Variants in DIAPH1 observed in about 807,000 individuals in gnomAD.
DIAPH1 encodes the protein diaphanous related formin 1.
Under a neutral mutation model 140.7 loss-of-function variants are expected in DIAPH1, and 46 were observed. The observed-to-expected ratio is 0.33, with a 90% CI of 0.26 to 0.42. The LOEUF (loss-of-function observed/expected upper bound fraction) is 0.42. Ranked by LOEUF, DIAPH1 falls within the 10% of genes least tolerant of loss-of-function variation. The pLI is 1.00. For synonymous variants in DIAPH1, 565 were observed against 551.6 expected (o/e 1.02, Z -0.34); for missense variants, 1,310 against 1,558.7 (o/e 0.84, Z 2.69).
intron 3 of DIAPH1, among the ~76,000 whole-genome samples, chr5:141,584,887 T>A (rs1237037096): frequency 1.3e-5 from 2 of 152,106 alleles, no homozygotes; most frequent in East Asian, 3.9e-4. Context: ...AAAATATGGA[T>A]GGGGGGATGT....
Position 141,528,726 on chromosome 5 carries a change from G to A in DIAPH1, c.2994C>T (p.Gly998=), listed in dbSNP as rs992133469. The A allele has an allele frequency of 1.9e-6, 3 of 1,614,076 alleles. No individual in the cohort carries two copies. In the African/African-American group the frequency reaches 4.0e-5, roughly 22 times the overall value. ...NAGSRNAGAF[G]FNISFLCKLR... is the part of the protein sequence containing the mutation. ...CCTTACAGAGGAAGCTGATATTGAA[G>A]CCAAAAGCACCAGCATTTCTGGAGC... The change falls in exon 22 of 28, where the codon GGC becomes GGT. Residue 998 remains glycine, a synonymous_variant. Coordinates refer to ENST00000389054, the MANE Select transcript of DIAPH1 (RefSeq NM_005219.5).
Position 141,529,587 on chromosome 5 carries a change from C to T in DIAPH1, c.2676+16G>A, listed in dbSNP as rs369662192. The stretch of plus-strand genomic sequence containing the variant: ...CACAGAAGAGCCTGCTCCAGCAGAA[C>T]CACCTTACTCCTTACCTGGATCATA... On this transcript the variant is annotated intron_variant, in intron 20 of 27. Transcript: ENST00000389054. The T allele has an allele frequency of 6.2e-6, 10 of 1,605,204 alleles. No homozygotes were observed. The highest frequency in any genetic ancestry group is 7.7e-6 in the Non-Finnish European group (9 of 1,171,932).
chr5:141,587,263 T>C (rs1383667090), intron 2 of DIAPH1, 66 bp from the exon 3 acceptor site: 2 of 1,549,950 alleles, frequency 1.3e-6, no homozygotes, highest in African/African-American at 2.7e-5. Flanking sequence ...ACACATCAAA[T>C]TCTTTACCCC....
At chr5:141,534,536 A>G in intron 18 of DIAPH1, 103 bp from the exon 19 acceptor site, 1 of 865,792 alleles carries the variant, frequency 1.2e-6, no homozygotes, top group Non-Finnish European at 1.9e-6. Flanking sequence ...CTTCCTCTCT[A>G]TTATAATGGT....
At chr5:141,541,430 G>A (rs1274469060) in intron 18 of DIAPH1, among the ~76,000 whole-genome samples, 2 of 151,978 alleles carry the variant, frequency 1.3e-5, no homozygotes, top group African/African-American at 2.4e-5. Context: ...GCTCATGCCT[G>A]TAATCCCAGC....
intron 1 of DIAPH1, among the ~76,000 whole-genome samples, chr5:141,611,757 T>C (rs1457033732): frequency 6.6e-6 from 1 of 152,132 alleles, no homozygotes; most frequent in Non-Finnish European, 1.5e-5. Context: ...TCAACATCAT[T>C]AGGGAATGAC....
chr5:141,559,599 C>A (rs564284566), intron 18 of DIAPH1, among the ~76,000 whole-genome samples: 1 of 152,128 alleles, frequency 6.6e-6, no homozygotes, highest in African/African-American at 2.4e-5. Context: ...GGCACTTCAC[C>A]AAGCATTTGG....
intron 1 of DIAPH1, 37 bp from the exon 2 acceptor site, chr5:141,588,287 GA>G (rs1562334506): frequency 1.3e-6 from 2 of 1,527,938 alleles, no homozygotes; most frequent in Non-Finnish European, 1.8e-6. Flanking sequence ...AGAAAGAAGA[GA>G]AATCAGTGAA....
At chr5:141,555,772 C>T (rs2099892476) in intron 18 of DIAPH1, among the ~76,000 whole-genome samples, 1 of 152,162 alleles carries the variant, frequency 6.6e-6, no homozygotes, top group Admixed American at 6.5e-5. Flanking sequence ...AAGAGAGACC[C>T]TTACACCTAG....
chr5:141,567,355 C>T (rs922773925), intron 18 of DIAPH1, among the ~76,000 whole-genome samples: 1 of 152,070 alleles, frequency 6.6e-6, no homozygotes, highest in Non-Finnish European at 1.5e-5. Context: ...CTGGAAACCC[C>T]AGATAATAGG....
chr5:141,573,151 G>A (rs2099895442), intron 16 of DIAPH1, among the ~76,000 whole-genome samples: 1 of 152,028 alleles, frequency 6.6e-6, no homozygotes. Context: ...AAGATTGACT[G>A]GTGGGCCGGG....
rs1454630812 is a variant in DIAPH1, at chr5:141,576,775, A to T, written c.1377T>A (p.Ile459=). 1 of 1,610,712 alleles carries T rather than the reference A, an allele frequency of 6.2e-7. No homozygotes were observed. The highest frequency in any genetic ancestry group is 1.7e-5 in the Admixed American group (1 of 60,014). The part of the protein sequence containing the change: ...DPDFKCRHLQ[I]EIEGLIDQMI... Reference sequence around the variant, plus strand: ...GCTTACCAATTAATCCCTCAATCTCAATCTGGAGGTGCCGGCACTTGAAGT... The same window carrying T: ...GCTTACCAATTAATCCCTCAATCTCTATCTGGAGGTGCCGGCACTTGAAGT... Residue 459 remains isoleucine, a synonymous_variant, in exon 13 of 28, where the codon ATT becomes ATA. Transcript: ENST00000389054.
chr5:141,559,150 G>A (rs2099893130), intron 18 of DIAPH1, among the ~76,000 whole-genome samples: 2 of 151,668 alleles, frequency 1.3e-5, no homozygotes, highest in Admixed American at 1.3e-4. Context: ...CTGGGAAGAG[G>A]AGACAGTAAG....
chr5:141,518,282 A>G (rs2099885997), intron 27 of DIAPH1, among the ~76,000 whole-genome samples: 1 of 150,568 alleles, frequency 6.6e-6, no homozygotes, highest in Non-Finnish European at 1.5e-5. Flanking sequence ...TAAAAGGTGA[A>G]TTTTAGGTAT....
chr5:141,617,206 G>A (rs898497397), intron 1 of DIAPH1, among the ~76,000 whole-genome samples: 4 of 151,430 alleles, frequency 2.6e-5, no homozygotes, highest in African/African-American at 9.7e-5. Context: ...ACGGGGGGGA[G>A]GGGTCAATTC....
rs367592859 is a variant in DIAPH1, at chr5:141,577,554, C to G, written c.1201G>C (p.Val401Leu). Residue 401 changes from valine (V) to leucine (L), a missense_variant, in exon 12 of 28, where the codon GTG becomes CTG. Physicochemically the swap from Val to Leu is conservative, Grantham distance 32. Transcript: ENST00000389054. Reference protein sequence around the residue: ...NEVFQILLNTVKDSKAEPHFL... With the variant: ...NEVFQILLNTLKDSKAEPHFL... ...TGTGGCTCTGCCTTTGAATCCTTCA[C>G]TGTGTTTAAGAGAATCTGAAAGACT... 2.1e-5 allele frequency: 34 copies of G among 1,613,744 alleles called. No homozygotes were observed. Among genetic ancestry groups the G allele is most frequent in the African/African-American group, 2.7e-5 (2 of 74,934 alleles).
intron 1 of DIAPH1, among the ~76,000 whole-genome samples, chr5:141,613,921 A>C (rs1394319670): frequency 6.6e-6 from 1 of 152,204 alleles, no homozygotes; most frequent in Non-Finnish European, 1.5e-5. Flanking sequence ...CATAGCGCTC[A>C]AATCAGCCCC....
chr5:141,584,820 T>G (rs1389837858), intron 3 of DIAPH1, among the ~76,000 whole-genome samples: 6 of 152,254 alleles, frequency 3.9e-5, no homozygotes, highest in Non-Finnish European at 7.3e-5. Context: ...CCAAGCCTAG[T>G]ACCTTGGTGT....
At chr5:141,540,473 G>A (rs2099889803) in intron 18 of DIAPH1, among the ~76,000 whole-genome samples, 1 of 151,946 alleles carries the variant, frequency 6.6e-6, no homozygotes, top group African/African-American at 2.4e-5. Context: ...GTAGAGACGG[G>A]GTTCCATCAT....
Sources: allele counts gnomAD v4.1 joint callset (sites outside exome capture counted in the v4.1 genomes callset), GRCh38; gene constraint gnomAD v4.1.1; transcripts MANE v1.5; gene names NCBI Gene and HGNC (gene_info 2026-07-23, HGNC 2026-07-21).